The following DNM3 variants were observed in gnomAD, a reference collection of about 807,000 sequenced individuals.
DNM3 encodes dynamin 3, also known as dynamin-3.
A neutral mutation model predicts 101.6 loss-of-function variants in DNM3; 47 were observed. The observed-to-expected ratio is 0.46, with a 90% CI of 0.37 to 0.59. DNM3 has a LOEUF of 0.59. Among genes scored for constraint, DNM3 ranks in the 20% least tolerant of loss-of-function variants. The pLI, the probability that DNM3 is intolerant of heterozygous loss-of-function variation, is 0.00. For synonymous variants in DNM3, 385 were observed against 387.9 expected, an observed-to-expected ratio of 0.99 and a Z score of 0.09; for missense variants, 849 against 1,085.7, an observed-to-expected ratio of 0.78 and a Z score of 3.06.
At chr1:171,989,560 G>T (rs1371001826) in intron 4 of DNM3, among the ~76,000 whole-genome samples, 2 of 151,892 alleles carry the variant, frequency 1.3e-5, no homozygotes, top group African/African-American at 4.8e-5. Context: ...ACTTTGTCTT[G>T]TTTCTTTAAA....
intron 4 of DNM3, among the ~76,000 whole-genome samples, chr1:171,997,005 C>A (rs960655877): frequency 1.3e-5 from 2 of 151,780 alleles, no homozygotes; most frequent in African/African-American, 4.8e-5. Flanking sequence ...GCACTCCAGC[C>A]TAGGTGACAG....
chr1:172,204,977 A>T (rs1477946395), intron 14 of DNM3, among the ~76,000 whole-genome samples: 1 of 152,212 alleles, frequency 6.6e-6, no homozygotes, highest in Non-Finnish European at 1.5e-5. Flanking sequence ...AGTGAATTAC[A>T]TTCAGCTATT....
intron 2 of DNM3, among the ~76,000 whole-genome samples, chr1:171,950,885 T>C (rs1422399095): frequency 6.6e-6 from 1 of 152,144 alleles, no homozygotes; most frequent in African/African-American, 2.4e-5. Context: ...ATATGCCATA[T>C]CGCTCTAATT....
At chr1:172,154,782 C>T (rs2058273919) in intron 14 of DNM3, among the ~76,000 whole-genome samples, 1 of 151,952 alleles carries the variant, frequency 6.6e-6, no homozygotes, top group Non-Finnish European at 1.5e-5. Flanking sequence ...AGTAATACAA[C>T]TATGACATGT....
At chr1:172,314,614 G>A (rs527562187) in intron 16 of DNM3, among the ~76,000 whole-genome samples, 24 of 152,308 alleles carry the variant, frequency 1.6e-4, no homozygotes, top group African/African-American at 5.3e-4. Context: ...AGGGTCCTAC[G>A]CCCACGGAGT....
At chr1:171,971,029 A>C (rs1457125432) in intron 2 of DNM3, among the ~76,000 whole-genome samples, 1 of 152,086 alleles carries the variant, frequency 6.6e-6, no homozygotes, top group Non-Finnish European at 1.5e-5. Flanking sequence ...ATTGTATTAA[A>C]TTCTTTCTGT....
intron 14 of DNM3, among the ~76,000 whole-genome samples, chr1:172,249,631 G>A (rs2062090507): frequency 6.6e-6 from 1 of 152,142 alleles, no homozygotes; most frequent in Admixed American, 6.6e-5. Context: ...AGCCTCTGAA[G>A]CCTTTGAAAG....
intron 1 of DNM3, among the ~76,000 whole-genome samples, chr1:171,857,136 G>A (rs1164492465): frequency 6.6e-6 from 1 of 152,166 alleles, no homozygotes; most frequent in African/African-American, 2.4e-5. Flanking sequence ...AATTTAGGAA[G>A]CAATGAGGAG....
At chr1:172,363,043 A>C (rs1223940121) in intron 17 of DNM3, among the ~76,000 whole-genome samples, 1 of 151,702 alleles carries the variant, frequency 6.6e-6, no homozygotes, top group East Asian at 1.9e-4. Flanking sequence ...ATTCATCCCC[A>C]AATACTTTCC....
intron 13 of DNM3, among the ~76,000 whole-genome samples, chr1:172,106,840 C>T (rs1421111002): frequency 2.5e-5 from 2 of 80,876 alleles, no homozygotes. Context: ...TTTAAGGTAA[C>T]ATTATTCTTT....
intron 4 of DNM3, among the ~76,000 whole-genome samples, chr1:171,991,976 T>C (rs185421810): frequency 6.6e-6 from 1 of 152,348 alleles, no homozygotes; most frequent in Non-Finnish European, 1.5e-5. Flanking sequence ...AATTGTTTCT[T>C]TTTTAAGATA....
chr1:172,243,039 A>G (rs1359851622), intron 14 of DNM3, among the ~76,000 whole-genome samples: 3 of 152,204 alleles, frequency 2.0e-5, no homozygotes, highest in East Asian at 1.9e-4. Flanking sequence ...TTATTTTACT[A>G]TTATAATATC....
intron 14 of DNM3, among the ~76,000 whole-genome samples, chr1:172,174,884 C>T (rs1009586775): frequency 6.6e-6 from 1 of 151,680 alleles, no homozygotes; most frequent in South Asian, 2.1e-4. Flanking sequence ...CAAAATGGTT[C>T]AGAAAGTTTC....
At chr1:172,161,288 A>G (rs2421988) in intron 14 of DNM3, among the ~76,000 whole-genome samples, 2,299 of 151,806 alleles carry the variant, frequency 0.015, 65 homozygotes, top group African/African-American at 0.052. Context: ...AAAGCAGTTC[A>G]GGAGGAACAA....
At chr1:171,927,135 T>C (rs1276783990) in intron 2 of DNM3, among the ~76,000 whole-genome samples, 1 of 152,194 alleles carries the variant, frequency 6.6e-6, no homozygotes, top group East Asian at 1.9e-4. Flanking sequence ...TGTGATCACA[T>C]GTATAGAAAA....
chr1:172,259,678 T>C (rs61358466), intron 15 of DNM3, among the ~76,000 whole-genome samples: 1,806 of 152,232 alleles, frequency 0.012, 42 homozygotes, highest in African/African-American at 0.041. Context: ...AGTTAGATCA[T>C]TTTCAAAAAT....
intron 15 of DNM3, among the ~76,000 whole-genome samples, chr1:172,261,125 T>G (rs2062627246): frequency 6.6e-6 from 1 of 152,180 alleles, no homozygotes; most frequent in Admixed American, 6.5e-5. Flanking sequence ...AAATTTCTTT[T>G]TATTGGGATC....
chr1:172,052,515 C>T (rs142259308), intron 10 of DNM3, among the ~76,000 whole-genome samples: 1 of 152,264 alleles, frequency 6.6e-6, no homozygotes, highest in African/African-American at 2.4e-5. Flanking sequence ...GTGTCATCTC[C>T]AGTTAATTCC....
intron 15 of DNM3, among the ~76,000 whole-genome samples, chr1:172,302,441 G>A (rs72721198): frequency 0.027 from 4,122 of 152,366 alleles, 76 homozygotes; most frequent in Admixed American, 0.05. Flanking sequence ...TCTGGGGACA[G>A]GGCATAGTTC....
Sources: gnomAD v4.1 joint callset for allele counts (sites outside exome capture counted in the v4.1 genomes callset) on GRCh38, gnomAD v4.1.1 for gene constraint, MANE v1.5 for transcripts, NCBI Gene and HGNC (gene_info 2026-07-23, HGNC 2026-07-21) for gene names.